Variants in AGO1 observed in about 807,000 individuals in gnomAD.
The protein encoded by AGO1 is protein argonaute-1.
AGO1 carries 11 observed loss-of-function variants against 109.2 expected under a neutral mutation model. The ratio of observed to expected loss-of-function variants is 0.10; its 90% CI spans 0.06 to 0.17. The LOEUF is 0.17. Ranked by LOEUF, AGO1 falls within the 10% of genes least tolerant of loss-of-function variation. The probability of loss-of-function intolerance (pLI) is 1.00; values close to 1 mark genes in which losing one functional copy is unlikely to be tolerated. For synonymous variants in AGO1, 422 were observed against 418.6 expected, an observed-to-expected ratio of 1.01 and a Z score of -0.10; for missense variants, 574 against 1,140.3, an observed-to-expected ratio of 0.50 and a Z score of 7.15.
chr1:35,883,168 C>G (rs1248757955), upstream of AGO1: 2 of 1,144,370 alleles, frequency 1.7e-6, no homozygotes, highest in Admixed American at 9.7e-5. This position sits in a 1 kb window ranked among gnomAD's most constrained non-coding sequence, Gnocchi z 5.4. Flanking sequence ...CCGCTTGACT[C>G]GTTCCGGTCC....
Position 35,893,488 on chromosome 1 carries a change from C to A in AGO1, c.513-186C>A. The A allele has an allele frequency of 3.7e-6, 3 of 805,992 alleles. No individual in the cohort carries two copies. Among genetic ancestry groups the A allele is most frequent in the Non-Finnish European group, 5.7e-6 (3 of 525,890 alleles). 49.9% of individuals were successfully genotyped at this position (805,992 alleles called of 1,614,324 possible). A position where few individuals can be genotyped will look rare whatever the true frequency, so the allele number is the denominator to read the frequency against. ...TAGATATCTTTGGGCCTCATCCCAT[C>A]TGTCCCTGCAGGGCAGAGAGAAGGT... On this transcript the variant is annotated intron_variant, in intron 4 of 18. Transcript: ENST00000373204. The surrounding 1 kb of genome is among the most constrained non-coding windows in gnomAD (Gnocchi z 5.6).
chr1:35,918,357 A>C lies in AGO1; in HGVS notation c.2199A>C (p.Thr733=), dbSNP rs1305762819. 1.2e-6 allele frequency: 2 copies of C among 1,614,128 alleles called. No individual in the cohort carries two copies. Among genetic ancestry groups the C allele is most frequent in the Admixed American group, 1.7e-5 (1 of 60,024 alleles). ...GKSGNIPAGT[T]VDTNITHPFE... ...GTGGTAACATCCCAGCTGGGACCAC[A>C]GTGGACACCAACATCACCCACCCAT... Residue 733 remains threonine, a synonymous_variant, in exon 17 of 19, where the codon ACA becomes ACC. Transcript: ENST00000373204.
intron 13 of AGO1, 54 bp downstream of exon 13, chr1:35,914,055 T>C (rs1645689961): frequency 1.2e-6 from 2 of 1,609,776 alleles, no homozygotes; most frequent in East Asian, 2.2e-5. Context: ...TGGGAATTGA[T>C]GAAGAGATAG....
intron 8 of AGO1, among the ~76,000 whole-genome samples, chr1:35,898,404 C>T (rs1331132062): frequency 6.6e-6 from 1 of 151,972 alleles, no homozygotes; most frequent in Non-Finnish European, 1.5e-5. Flanking sequence ...ATGCAGGCGC[C>T]GACCACCACG....
intron 13 of AGO1, 56 bp from the exon 14 acceptor site, chr1:35,914,128 G>A (rs1328815570): frequency 6.2e-7 from 1 of 1,600,142 alleles, no homozygotes; most frequent in Non-Finnish European, 8.6e-7. Flanking sequence ...GTACTGGATG[G>A]TGCCAGCTAG....
chr1:35,899,848 T>A (rs895758968), intron 8 of AGO1, among the ~76,000 whole-genome samples: 1 of 152,208 alleles, frequency 6.6e-6, no homozygotes, highest in Non-Finnish European at 1.5e-5. Flanking sequence ...AGTGTATTTT[T>A]TTTTCTCATG....
At chr1:35,915,240 C>G (rs758125669) in intron 14 of AGO1, 108 bp from the exon 15 acceptor site, 46 of 902,600 alleles carry the variant, frequency 5.1e-5, no homozygotes, top group Middle Eastern at 2.9e-4. Flanking sequence ...AGTCTCAAGC[C>G]CTAGTCATTC....
At position 35,902,068 on chromosome 1, in the gene AGO1, C is replaced by A; in HGVS notation, c.1261C>A (p.Arg421=). ...LPAPILQYGG[R]NRAIATPNQG... ...GGCGCCCATCTTGCAGTACGGCGGC[C>A]GGGTGAGCAGGGTCAGGGCCAGACA... Residue 421 remains arginine, a splice_region_variant and synonymous_variant, in exon 10 of 19, where the codon CGG becomes AGG. Transcript: ENST00000373204. 1.3e-6 allele frequency: 2 copies of A among 1,599,986 alleles called. No individual in the cohort carries two copies. Among genetic ancestry groups the A allele is most frequent in the Non-Finnish European group, 1.7e-6 (2 of 1,172,922 alleles).
intron 12 of AGO1, among the ~76,000 whole-genome samples, chr1:35,909,015 G>A (rs1178212914): frequency 5.3e-5 from 8 of 151,736 alleles, no homozygotes; most frequent in African/African-American, 1.9e-4. Context: ...ATGGAGTTTC[G>A]CCATGTTGGC....
intron 15 of AGO1, among the ~76,000 whole-genome samples, chr1:35,917,117 C>T (rs769235471): frequency 6.6e-6 from 1 of 152,100 alleles, no homozygotes; most frequent in Non-Finnish European, 1.5e-5. Context: ...TCTTATAATC[C>T]TGCTGCTTTG....
chr1:35,902,114 G>A (rs751814318), intron 10 of AGO1, 44 bp downstream of exon 10: 1 of 1,585,408 alleles, frequency 6.3e-7, no homozygotes, highest in East Asian at 2.2e-5. Flanking sequence ...GCATATGGGG[G>A]TGGTTGGGTT....
chr1:35,928,030 C>T lies in AGO1; in HGVS notation c.*8423C>T, dbSNP rs1229529982. The stretch of plus-strand genomic sequence containing the variant: ...TCATCCAGTGATGTTTCTTGTCTAA[C>T]ACAAGAAGCCTAGGAGTAGAAAGTC... On this transcript the variant is annotated 3_prime_UTR_variant, in exon 19 of 19. Coordinates refer to ENST00000373204, the MANE Select transcript of AGO1 (RefSeq NM_012199.5). 1.3e-5 allele frequency: 2 copies of T among 152,194 alleles called. No individual in the cohort carries two copies. Among genetic ancestry groups the T allele is most frequent in the Non-Finnish European group, 2.9e-5 (2 of 68,054 alleles). 9.4% of individuals were successfully genotyped at this position (152,194 alleles called of 1,614,324 possible).
In AGO1 at chr1:35,888,433, G is replaced by A. The variant is rs144077445; in HGVS notation, c.32G>A (p.Gly11Asp). The A allele has an allele frequency of 6.2e-7, 1 of 1,613,892 alleles. No individual in the cohort carries two copies. Among genetic ancestry groups the A allele is most frequent in the African/African-American group, 1.3e-5 (1 of 74,906 alleles). ...CAGCCTCTTTGTCTTGTAGCTGCGGGCGCTTACCTGCCCCCCCTGCAGCAG... is the reference window on the plus strand; with the variant it reads ...CAGCCTCTTTGTCTTGTAGCTGCGGACGCTTACCTGCCCCCCCTGCAGCAG... MEAGPSGAAA[G>D]AYLPPLQQVF... The change falls in exon 2 of 19, where the codon GGC becomes GAC. Residue 11 changes from glycine (G) to aspartate (D), a missense_variant. Physicochemically the swap from Gly to Asp is moderately conservative, Grantham distance 94. Coordinates refer to ENST00000373204, the MANE Select transcript of AGO1 (RefSeq NM_012199.5). This position sits in a 1 kb window ranked among gnomAD's most constrained non-coding sequence, Gnocchi z 4.1.
rs552823877 is a variant in AGO1 at position 35,922,143 on chromosome 1, C to T, written c.*2536C>T. 9 of 152,848 alleles carry T rather than the reference C, an allele frequency of 5.9e-5. No homozygotes were observed. Among genetic ancestry groups the T allele is most frequent in the African/African-American group, 2.2e-4 (9 of 41,600 alleles). 9.5% of individuals were successfully genotyped at this position (152,848 alleles called of 1,614,324 possible). On this transcript the variant is annotated 3_prime_UTR_variant, in exon 19 of 19. Transcript: ENST00000373204. ...CCCAGCAACAAGTTTGTGTTCTCTC[C>T]TTTTCTCTCTTTGCCTCACTCTCTC... is the stretch of plus-strand genomic sequence containing the variant.
chr1:35,907,244 GCTC>G lies in AGO1; in HGVS notation c.1582+129_1582+131del, dbSNP rs1645539290. ...ACCAGAGCTGTTACTTAATGTCAGT[GCTC>G]CTCTTATAGGAGAAATAGCATGCCT... is the stretch of plus-strand genomic sequence containing the variant. On this transcript the variant is annotated intron_variant, in intron 12 of 18. Coordinates refer to ENST00000373204, the MANE Select transcript of AGO1 (RefSeq NM_012199.5). 4.7e-6 allele frequency: 4 copies of G among 859,440 alleles called. No homozygotes were observed. In the Admixed American group the frequency reaches 1.3e-4, roughly 28 times the overall value. The allele number at this position is 859,440 out of a possible 1,614,324, so 53.2% of individuals were successfully genotyped here.
chr1:35,922,631 T>TCTGC lies in AGO1; in HGVS notation c.*3027_*3030dup, dbSNP rs1183589156. 2 of 150,756 alleles carry TCTGC rather than the reference T, an allele frequency of 1.3e-5. No individual in the cohort carries two copies. Among genetic ancestry groups the TCTGC allele is most frequent in the Admixed American group, 1.3e-4 (2 of 15,180 alleles). 9.3% of individuals were successfully genotyped at this position (150,756 alleles called of 1,614,324 possible). A position where few individuals can be genotyped will look rare whatever the true frequency, so the allele number is the denominator to read the frequency against. The stretch of plus-strand genomic sequence containing the variant: ...GCCTGCCTGCCTGCCTGCCTGCCTG[T>TCTGC]CTGCCTATGTGATGATGAAATCTCT... On this transcript the variant is annotated 3_prime_UTR_variant, in exon 19 of 19. Coordinates refer to ENST00000373204, the MANE Select transcript of AGO1 (RefSeq NM_012199.5).
At position 35,919,277 on chromosome 1, in the gene AGO1, C is replaced by T; in HGVS notation, c.2465+23C>T. On this transcript the variant is annotated intron_variant, in intron 18 of 18. Transcript: ENST00000373204. This position sits in a 1 kb window ranked among gnomAD's most constrained non-coding sequence, Gnocchi z 6.6. ...CAGGTGAGGCCTGGGATCAGGTTGG[C>T]CTCCTTTTTGCTTCAGCCTATTGTG... 3.1e-6 allele frequency: 5 copies of T among 1,606,108 alleles called. No individual in the cohort carries two copies. Among genetic ancestry groups the T allele is most frequent in the Non-Finnish European group, 4.3e-6 (5 of 1,176,210 alleles).
chr1:35,882,822 A>G, upstream of AGO1: 1 of 985,308 alleles, frequency 1.0e-6, no homozygotes, highest in African/African-American at 1.7e-5. The surrounding 1 kb of genome is among the most constrained non-coding windows in gnomAD (Gnocchi z 5.1). Flanking sequence ...GGTGATTGGG[A>G]GGAGAGGTGG....
At chr1:35,881,675 G>A (rs1286373946), upstream of AGO1, among the ~76,000 whole-genome samples, 1 of 152,194 alleles carries the variant, frequency 6.6e-6, no homozygotes, top group African/African-American at 2.4e-5. Context: ...TGCTGTTTGA[G>A]AACCTCTAGA....
Sources: gnomAD v4.1 joint callset for allele counts (sites outside exome capture counted in the v4.1 genomes callset) on GRCh38, gnomAD v4.1.1 for gene constraint, Gnocchi (gnomAD v3.1) non-coding constraint, MANE v1.5 for transcripts, NCBI Gene and HGNC (gene_info 2026-07-23, HGNC 2026-07-21) for gene names.